MTUS2: variants seen among roughly 807,000 people sequenced by gnomAD.
The protein encoded by MTUS2 is microtubule-associated tumor suppressor candidate 2.
Under a neutral mutation model 114.1 loss-of-function variants are expected in MTUS2, and 40 were observed. That is an observed-to-expected ratio of 0.35 (90% CI 0.27 to 0.46). The LOEUF is 0.46. Ranked by LOEUF, MTUS2 falls within the 20% of genes least tolerant of loss-of-function variation. The pLI is 1.00. For synonymous variants in MTUS2, 688 were observed against 672.0 expected (o/e 1.02, Z -0.37); for missense variants, 1,679 against 1,705.4 (o/e 0.98, Z 0.27).
intron 5 of MTUS2, among the ~76,000 whole-genome samples, chr13:29,251,226 A>G (rs1486347910): frequency 1.3e-5 from 2 of 151,952 alleles, no homozygotes; most frequent in Non-Finnish European, 2.9e-5. Context: ...CAAACTCTGT[A>G]CTTATGTAGG....
rs143143958 is a variant in MTUS2, at chr13:29,062,992, C to T, written c.2446+28867C>T. Among the ~76,000 whole-genome samples, 827 of 152,234 alleles carry T rather than the reference C, an allele frequency of 5.4e-3. 5 individuals are homozygous for T. The highest frequency in any genetic ancestry group is 9.0e-3 in the Non-Finnish European group (614 of 68,004). On this transcript the variant is annotated intron_variant, in intron 4 of 15. Transcript: ENST00000612955. ...GCTTAAAACTTTGAGTTTGGACTGT[C>T]GTCAGGTCTGGGTATGAAACACAAG...
At chr13:29,483,101 G>A (rs1329216330) in intron 10 of MTUS2, among the ~76,000 whole-genome samples, 1 of 152,188 alleles carries the variant, frequency 6.6e-6, no homozygotes. Flanking sequence ...CTCCTTCTCA[G>A]GGACGGTTGC....
chr13:29,482,592 C>T (rs916515238), intron 10 of MTUS2, among the ~76,000 whole-genome samples: 2 of 152,182 alleles, frequency 1.3e-5, no homozygotes, highest in East Asian at 3.8e-4. Context: ...AGCACCATGA[C>T]AGGATACTGC....
Position 29,025,224 on chromosome 13 carries a change from T to G in MTUS2, c.526T>G (p.Ser176Ala). 6.2e-7 allele frequency: 1 copy of G among 1,613,930 alleles called. No individual in the cohort carries two copies. Among genetic ancestry groups the G allele is most frequent in the Non-Finnish European group, 8.5e-7 (1 of 1,179,868 alleles). The change falls in exon 3 of 16, where the codon TCT becomes GCT. Residue 176 changes from serine to alanine, a missense_variant. By Grantham distance (99) the Ser-to-Ala change is moderately conservative (BLOSUM62 1). Around this residue, in one of 3 missense-constraint regions of MTUS2, gnomAD observed 843 missense variants for 770.8 expected, o/e 1.09. Coordinates refer to ENST00000612955, the MANE Select transcript of MTUS2 (RefSeq NM_001033602.4). ...TLDNEELRRH[S>A]LERASSSVAA... The stretch of plus-strand genomic sequence containing the variant: ...TGACAATGAGGAACTGAGGAGGCAT[T>G]CTTTGGAAAGAGCAAGCAGCTCTGT...
At chr13:29,057,247 G>A (rs1888177442) in intron 4 of MTUS2, among the ~76,000 whole-genome samples, 1 of 152,058 alleles carries the variant, frequency 6.6e-6, no homozygotes, top group Admixed American at 6.6e-5. Context: ...TATATGCCAT[G>A]TGCAGAAGAG....
At chr13:29,485,806 T>A (rs1881568827) in intron 10 of MTUS2, among the ~76,000 whole-genome samples, 1 of 152,158 alleles carries the variant, frequency 6.6e-6, no homozygotes, top group Non-Finnish European at 1.5e-5. Context: ...TCTGTCTGTC[T>A]TTTCTGAAAC....
intron 5 of MTUS2, among the ~76,000 whole-genome samples, chr13:29,158,358 C>CCCCCCCCCTCTCTTTT: frequency 3.1e-5 from 1 of 32,048 alleles, no homozygotes; most frequent in Non-Finnish European, 5.1e-5. Context: ...GTCCACCCCG[C>CCCCCCCCCTCTCTTTT]TTTTTTTTTT....
chr13:29,326,898 T>G (rs774428729), intron 7 of MTUS2, among the ~76,000 whole-genome samples: 5 of 152,130 alleles, frequency 3.3e-5, no homozygotes, highest in Non-Finnish European at 7.3e-5. Flanking sequence ...GAGTATCATT[T>G]GAACCTGGGA....
At chr13:29,179,415 A>AT (rs1180111531) in intron 5 of MTUS2, among the ~76,000 whole-genome samples, 1 of 152,196 alleles carries the variant, frequency 6.6e-6, no homozygotes, top group East Asian at 1.9e-4. Context: ...TCTTGCCTAC[A>AT]TTTTTTCAAA....
intron 9 of MTUS2, among the ~76,000 whole-genome samples, chr13:29,464,524 T>A (rs1379085255): frequency 5.9e-5 from 9 of 152,170 alleles, no homozygotes; most frequent in African/African-American, 2.2e-4. Context: ...ATAAAGGCTG[T>A]TGGTATTTCA....
intron 2 of MTUS2, among the ~76,000 whole-genome samples, chr13:28,941,439 T>C (rs1180868749): frequency 6.6e-6 from 1 of 152,126 alleles, no homozygotes; most frequent in Non-Finnish European, 1.5e-5. Context: ...AAGACATGCT[T>C]ATGTTAATTT....
At chr13:28,901,291 G>T (rs983644034) in intron 2 of MTUS2, among the ~76,000 whole-genome samples, 2 of 152,150 alleles carry the variant, frequency 1.3e-5, no homozygotes, top group Non-Finnish European at 2.9e-5. Context: ...GGTTTGCAAA[G>T]ATTTTCTCCC....
intron 4 of MTUS2, among the ~76,000 whole-genome samples, chr13:29,051,654 A>T (rs1887903093): frequency 6.6e-6 from 1 of 152,226 alleles, no homozygotes; most frequent in Admixed American, 6.5e-5. Context: ...CACAAGAAGG[A>T]AGTGCCTCAA....
At chr13:28,976,223 AAG>A (rs1884095533) in intron 2 of MTUS2, among the ~76,000 whole-genome samples, 1 of 100,158 alleles carries the variant, frequency 1.0e-5, no homozygotes, top group African/African-American at 3.9e-5. Flanking sequence ...AAAAAAAAAA[AAG>A]AAAAGAAGAA....
intron 4 of MTUS2, among the ~76,000 whole-genome samples, chr13:29,077,675 T>G (rs2138715362): frequency 6.6e-6 from 1 of 152,348 alleles, no homozygotes; most frequent in East Asian, 1.9e-4. Flanking sequence ...CCTTCTTTGT[T>G]TCTGAATTTT....
intron 5 of MTUS2, among the ~76,000 whole-genome samples, chr13:29,256,973 C>A (rs866851755): frequency 6.6e-6 from 1 of 152,206 alleles, no homozygotes; most frequent in African/African-American, 2.4e-5. Flanking sequence ...CTGGCCTGAC[C>A]TACATTGTTG....
chr13:29,214,740 G>T (rs1566070917), intron 5 of MTUS2, among the ~76,000 whole-genome samples: 1 of 152,184 alleles, frequency 6.6e-6, no homozygotes, highest in African/African-American at 2.4e-5. Flanking sequence ...CTGTTAGTCT[G>T]ATGGGCCTTC....
intron 8 of MTUS2, among the ~76,000 whole-genome samples, chr13:29,369,482 G>A (rs1004591375): frequency 5.3e-5 from 8 of 152,186 alleles, no homozygotes; most frequent in African/African-American, 1.9e-4. Flanking sequence ...TTGAAACGAG[G>A]TTTGAAATTA....
In MTUS2 at chr13:28,891,899, C is replaced by T. The variant is rs1208420066; in HGVS notation, c.-243+52049C>T. Among the ~76,000 whole-genome samples, 3 of 143,720 alleles carry T rather than the reference C, an allele frequency of 2.1e-5. No individual in the cohort carries two copies. The East Asian group carries it at 6.2e-4, about 30-fold the overall frequency. The allele number at this position is 143,720 out of a possible 152,430, so 94.3% of individuals were successfully genotyped here. A position where few individuals can be genotyped will look rare whatever the true frequency, so the allele number is the denominator to read the frequency against. On this transcript the variant is annotated intron_variant, in intron 2 of 15. Coordinates refer to ENST00000612955, the MANE Select transcript of MTUS2 (RefSeq NM_001033602.4). ...AAAAAAAAAGAATAACAACAAAGGA[C>T]AAAACCTTATCTCTAGGCTTTTCCC... is the stretch of plus-strand genomic sequence containing the variant.
Sources: allele counts gnomAD v4.1 joint callset (sites outside exome capture counted in the v4.1 genomes callset), GRCh38; gene constraint gnomAD v4.1.1; regional missense constraint gnomAD v4.1.1; transcripts MANE v1.5; gene names NCBI Gene and HGNC (gene_info 2026-07-23, HGNC 2026-07-21).